Variants in TUB observed in about 807,000 individuals in gnomAD.
TUB encodes the protein tubby protein homolog.
In TUB, 33 loss-of-function variants were observed where a neutral mutation model predicts 59.7. That is an observed-to-expected ratio of 0.55 (90% CI 0.42 to 0.74). The LOEUF (loss-of-function observed/expected upper bound fraction) is 0.74, where lower values mean the gene tolerates loss of function less well. TUB is among the 30% of genes least tolerant of loss of function. TUB has a pLI of 0.00. For missense variants in TUB, 659 were observed against 672.0 expected (o/e 0.98, Z 0.21); for synonymous variants, 293 against 256.4 (o/e 1.14, Z -1.36).
At chr11:8,024,229 C>G (rs1031033694) in intron 1 of TUB, among the ~76,000 whole-genome samples, 1 of 152,232 alleles carries the variant, frequency 6.6e-6, no homozygotes, top group Non-Finnish European at 1.5e-5. Context: ...CAGCACGACT[C>G]TAGCCCGGCG....
chr11:8,090,594 G>A (rs777507393), intron 3 of TUB, among the ~76,000 whole-genome samples: 1 of 152,206 alleles, frequency 6.6e-6, no homozygotes, highest in Non-Finnish European at 1.5e-5. Context: ...AGAGGAATCC[G>A]TCTCACTGTC....
chr11:8,039,064 C>T (rs201078473), intron 1 of TUB: 3 of 1,602,894 alleles, frequency 1.9e-6, no homozygotes, highest in Admixed American at 1.7e-5. Flanking sequence ...GCCCATGGGC[C>T]CAACCATTGC....
chr11:8,051,352 T>C (rs1297529716), intron 2 of TUB, among the ~76,000 whole-genome samples: 1 of 152,254 alleles, frequency 6.6e-6, no homozygotes, highest in Non-Finnish European at 1.5e-5. Flanking sequence ...CTGTTTTTAA[T>C]GGCTATATAA....
At chr11:8,023,177 C>G (rs191047051) in intron 1 of TUB, among the ~76,000 whole-genome samples, 6 of 152,258 alleles carry the variant, frequency 3.9e-5, no homozygotes, top group African/African-American at 7.2e-5. Context: ...GGAAGGGATT[C>G]CAGTGAGACA....
intron 2 of TUB, chr11:8,075,879 G>A (rs1225677259): frequency 6.6e-6 from 1 of 152,260 alleles, no homozygotes; most frequent in Admixed American, 6.5e-5. Context: ...GTTGGGAAAG[G>A]TCTTCAACGA....
At chr11:8,081,823 G>T (rs1462740040) in intron 1 of TUB, among the ~76,000 whole-genome samples, 1 of 152,210 alleles carries the variant, frequency 6.6e-6, no homozygotes, top group Non-Finnish European at 1.5e-5. Flanking sequence ...GCCTGGGGAA[G>T]GAGTCCACAC....
chr11:8,039,718 C>T, intron 2 of TUB: 3 of 1,496,528 alleles, frequency 2.0e-6, no homozygotes, highest in Non-Finnish European at 2.7e-6. Context: ...GGAGGGCGTG[C>T]CGGCCCTGGG....
chr11:8,083,081 C>T (rs1943600550), intron 1 of TUB, among the ~76,000 whole-genome samples: 1 of 152,238 alleles, frequency 6.6e-6, no homozygotes, highest in Non-Finnish European at 1.5e-5. Context: ...CAGGTAGTTT[C>T]TGGAGGATCC....
At chr11:8,027,023 A>G (rs546055234) in intron 1 of TUB, among the ~76,000 whole-genome samples, 9 of 152,300 alleles carry the variant, frequency 5.9e-5, no homozygotes, top group Non-Finnish European at 1.5e-5. Flanking sequence ...ATATTTTTCA[A>G]TGATATTATA....
intron 2 of TUB, among the ~76,000 whole-genome samples, chr11:8,071,393 T>G (rs1011674805): frequency 6.6e-6 from 1 of 152,124 alleles, no homozygotes; most frequent in African/African-American, 2.4e-5. Flanking sequence ...CCTTGGACCT[T>G]ATCTAATCCA....
At chr11:8,101,180 G>C (rs1453536905) in intron 11 of TUB, among the ~76,000 whole-genome samples, 183 bp downstream of exon 11, 2 of 152,160 alleles carry the variant, frequency 1.3e-5, no homozygotes, top group Admixed American at 6.5e-5. Context: ...AACCTTCTTT[G>C]CAGCCCTGGT....
chr11:8,081,699 A>C, intron 1 of TUB, 151 bp downstream of exon 1: 5 of 839,254 alleles, frequency 6.0e-6, no homozygotes, highest in Non-Finnish European at 8.1e-6. Context: ...TCCTCCCTCA[A>C]CTTTGAGGGC....
rs1213835987 is a variant in TUB, at chr11:8,105,871, TAGGA to T, written c.*4253_*4256del. ...ATCCAGAGTTTCCTAGAACGCAACT[TAGGA>T]TGGCTAGGAAAGGGAAGCCTGACTG... On this transcript the variant is annotated 3_prime_UTR_variant, in exon 12 of 12. Coordinates refer to ENST00000299506, the MANE Select transcript of TUB (RefSeq NM_177972.3). The T allele has an allele frequency of 6.6e-6, 1 of 151,996 alleles. No individual in the cohort carries two copies. Among genetic ancestry groups the T allele is most frequent in the Non-Finnish European group, 1.5e-5 (1 of 67,970 alleles). The allele number at this position is 151,996 out of a possible 1,614,324, so 9.4% of individuals were successfully genotyped here.
At chr11:8,047,426 C>CTTAG (rs1942852364) in intron 2 of TUB, among the ~76,000 whole-genome samples, 1 of 152,214 alleles carries the variant, frequency 6.6e-6, no homozygotes, top group Non-Finnish European at 1.5e-5. Context: ...ACGTATCTTG[C>CTTAG]TTAGCTCAGT....
chr11:8,085,803 G>A (rs1007985081), intron 1 of TUB, among the ~76,000 whole-genome samples: 6 of 152,210 alleles, frequency 3.9e-5, no homozygotes, highest in African/African-American at 7.2e-5. Context: ...GAGGGAGTTC[G>A]GAAACAGGCT....
At chr11:8,050,276 AAT>A (rs1942912506) in intron 2 of TUB, among the ~76,000 whole-genome samples, 1 of 152,240 alleles carries the variant, frequency 6.6e-6, no homozygotes, top group African/African-American at 2.4e-5. Context: ...GGCAGTTACG[AAT>A]AGTGCTGCTA....
At chr11:8,092,454 G>A (rs887403193) in intron 3 of TUB, among the ~76,000 whole-genome samples, 9 of 151,986 alleles carry the variant, frequency 5.9e-5, no homozygotes, top group Non-Finnish European at 8.8e-5. Context: ...TTACCTGCTC[G>A]CTTGTGACTG....
At chr11:8,072,656 A>C (rs1409297909) in intron 2 of TUB, among the ~76,000 whole-genome samples, 1 of 152,130 alleles carries the variant, frequency 6.6e-6, no homozygotes, top group African/African-American at 2.4e-5. Context: ...GTCCCTTCTC[A>C]GTTCATCCTC....
chr11:8,026,228 C>T (rs963543315), intron 1 of TUB, among the ~76,000 whole-genome samples: 1 of 152,038 alleles, frequency 6.6e-6, no homozygotes, highest in Non-Finnish European at 1.5e-5. Flanking sequence ...ATATGACTTG[C>T]AATATTTTCT....
Sources: allele counts gnomAD v4.1 joint callset (sites outside exome capture counted in the v4.1 genomes callset), GRCh38; gene constraint gnomAD v4.1.1; transcripts MANE v1.5; gene names NCBI Gene and HGNC (gene_info 2026-07-23, HGNC 2026-07-21).